Variants in FAM20A observed in about 807,000 individuals in gnomAD.
The protein encoded by FAM20A is FAM20A golgi associated secretory pathway pseudokinase, also known as pseudokinase FAM20A.
A neutral mutation model predicts 52.0 loss-of-function variants in FAM20A; 42 were observed. The observed-to-expected ratio is 0.81, with a 90% CI of 0.63 to 1.04. FAM20A has a LOEUF of 1.04. Among genes scored for constraint, FAM20A ranks in the 50% least tolerant of loss-of-function variants. The probability of loss-of-function intolerance (pLI) is 0.00; values close to 1 mark genes in which losing one functional copy is unlikely to be tolerated. For missense variants in FAM20A, 742 were observed against 712.7 expected (o/e 1.04, Z -0.47); for synonymous variants, 304 against 298.9 (o/e 1.02, Z -0.18).
chr17:68,552,015 T>A (rs753599135), intron 3 of FAM20A, 64 bp from the exon 4 acceptor site: 19 of 1,059,178 alleles, frequency 1.8e-5, no homozygotes, highest in Non-Finnish European at 2.7e-5. Flanking sequence ...TGTGACTCTG[T>A]TCCTTCAATA....
rs1275901102 is a variant in FAM20A at position 68,600,496 on chromosome 17, C to T, written c.171G>A (p.Ser57=). The T allele has an allele frequency of 6.3e-7, 1 of 1,592,626 alleles. No individual in the cohort carries two copies. Residue 57 remains serine (S), a synonymous_variant, in exon 1 of 11, where the codon TCG becomes TCA. Coordinates refer to ENST00000592554, the MANE Select transcript of FAM20A (RefSeq NM_017565.4). The surrounding 1 kb of genome is among the most constrained non-coding windows in gnomAD (Gnocchi z 6.2). ...TGCCGGGGTCCGAGGCAGCTGCGGC[C>T]GAGTCCCGCGCCAGGGAGGAGGCGC... The part of the protein sequence containing the change: ...TGRASSLARD[S]AAAASDPGTI...
chr17:68,577,978 AAAAT>A lies in FAM20A; in HGVS notation c.405-22239_405-22236del, dbSNP rs750204152. On this transcript the variant is annotated intron_variant, in intron 1 of 10. Coordinates refer to ENST00000592554, the MANE Select transcript of FAM20A (RefSeq NM_017565.4). ...TTCAATCTTCCAACTGTGTAATCCT[AAAAT>A]AAATAAATATATATTTCACACACCA... Among the ~76,000 whole-genome samples, 60 of 152,204 alleles carry A rather than the reference AAAAT, an allele frequency of 3.9e-4. No individual in the cohort carries two copies. The East Asian group carries it at 4.0e-3, about 10-fold the overall frequency.
rs1021666581 is a variant in FAM20A, at chr17:68,537,209, C to G, written c.*268G>C. On this transcript the variant is annotated 3_prime_UTR_variant, in exon 11 of 11. Coordinates refer to ENST00000592554, the MANE Select transcript of FAM20A (RefSeq NM_017565.4). This position sits in a 1 kb window ranked among gnomAD's most constrained non-coding sequence, Gnocchi z 4.2. ...CAAGCCTGACCTATACCCAGATTTC[C>G]CAGTGCACTCAGGAGATCGTCGGTG... is the stretch of plus-strand genomic sequence containing the variant. The G allele has an allele frequency of 1.6e-6, 1 of 618,652 alleles. No homozygotes were observed. 38.3% of individuals were successfully genotyped at this position (618,652 alleles called of 1,614,324 possible). A position where few individuals can be genotyped will look rare whatever the true frequency, so the allele number is the denominator to read the frequency against.
At chr17:68,584,526 G>C (rs1340917094) in intron 1 of FAM20A, among the ~76,000 whole-genome samples, 1 of 152,172 alleles carries the variant, frequency 6.6e-6, no homozygotes, top group Non-Finnish European at 1.5e-5. Flanking sequence ...TCTCTGAGTG[G>C]GCAGTTTTGA....
intron 5 of FAM20A, 71 bp downstream of exon 5, chr17:68,543,558 G>A (rs1417556780): frequency 1.5e-6 from 2 of 1,343,296 alleles, no homozygotes; most frequent in Admixed American, 1.7e-5. Context: ...CACCTTGAGG[G>A]TCTGTCTAGC....
At chr17:68,547,983 T>G (rs1441055309) in intron 4 of FAM20A, among the ~76,000 whole-genome samples, 1 of 151,742 alleles carries the variant, frequency 6.6e-6, no homozygotes, top group Non-Finnish European at 1.5e-5. Flanking sequence ...ATGTGAACAC[T>G]TAGAGGCCCT....
rs777704104 is a variant in FAM20A at position 68,540,899 on chromosome 17, CTGT to C, written c.1166_1168del (p.Asn389del). 55 of 1,605,572 alleles carry C rather than the reference CTGT, an allele frequency of 3.4e-5. No individual in the cohort carries two copies. Among genetic ancestry groups the C allele is most frequent in the South Asian group, 2.8e-4 (25 of 89,528 alleles). On this transcript the variant is annotated inframe_deletion, in exon 8 of 11. Transcript: ENST00000592554. ...GTCGATGACATTGAGGAGCCGCTGG[CTGT>C]TGTTGTACGGGTAGATCTGTTTCAC...
At chr17:68,572,010 A>ATAT (rs2143802678) in intron 1 of FAM20A, among the ~76,000 whole-genome samples, 1 of 58,368 alleles carries the variant, frequency 1.7e-5, no homozygotes, top group Non-Finnish European at 3.8e-5. Flanking sequence ...ATATATATAT[A>ATAT]TATATATATA....
chr17:68,546,700 G>T (rs1386413920), intron 4 of FAM20A, among the ~76,000 whole-genome samples: 1 of 151,706 alleles, frequency 6.6e-6, no homozygotes, highest in Non-Finnish European at 1.5e-5. Context: ...CATGGTGGCC[G>T]GCGCCTGTAG....
At chr17:68,588,255 C>T (rs1276921967) in intron 1 of FAM20A, among the ~76,000 whole-genome samples, 1 of 152,210 alleles carries the variant, frequency 6.6e-6, no homozygotes, top group Admixed American at 6.5e-5. Context: ...CAGACTGTCT[C>T]ATCTGGGAGG....
intron 1 of FAM20A, among the ~76,000 whole-genome samples, chr17:68,559,980 C>T (rs928890605): frequency 6.6e-6 from 1 of 152,092 alleles, no homozygotes; most frequent in African/African-American, 2.4e-5. Context: ...TTGTGTTACC[C>T]CTAAATTCAT....
intron 1 of FAM20A, among the ~76,000 whole-genome samples, chr17:68,556,861 A>G (rs1401401697): frequency 6.6e-6 from 1 of 152,114 alleles, no homozygotes; most frequent in East Asian, 1.9e-4. Context: ...CTGTGATAGT[A>G]TACCTTGGGT....
chr17:68,600,920 A>G lies in FAM20A; in HGVS notation c.-254T>C, dbSNP rs1472002117. The stretch of plus-strand genomic sequence containing the variant: ...TCTCCGCGCCGAGTGAGCCGAGGGA[A>G]TGGGGTTCCCGGGGTGCCCGCTTCT... On this transcript the variant is annotated 5_prime_UTR_variant, in exon 1 of 11. Transcript: ENST00000592554. The surrounding 1 kb of genome is among the most constrained non-coding windows in gnomAD (Gnocchi z 6.2). The G allele has an allele frequency of 8.9e-6, 4 of 451,704 alleles. No individual in the cohort carries two copies. Among genetic ancestry groups the G allele is most frequent in the South Asian group, 4.5e-5 (1 of 22,076 alleles). The allele number at this position is 451,704 out of a possible 1,614,324, so 28.0% of individuals were successfully genotyped here.
At chr17:68,573,681 CTCTTT>C (rs2087642998) in intron 1 of FAM20A, among the ~76,000 whole-genome samples, 1 of 142,262 alleles carries the variant, frequency 7.0e-6, no homozygotes, top group African/African-American at 2.6e-5. Flanking sequence ...TCTTTCTTTT[CTCTTT>C]TTTTTTCTTT....
At chr17:68,587,298 G>A (rs759743284) in intron 1 of FAM20A, among the ~76,000 whole-genome samples, 1 of 152,218 alleles carries the variant, frequency 6.6e-6, no homozygotes, top group African/African-American at 2.4e-5. Flanking sequence ...GTGCAGCAAA[G>A]TGTGTAGCAG....
chr17:68,575,445 TATATATTTTATATATTATATATA>T (rs1288631134), intron 1 of FAM20A, among the ~76,000 whole-genome samples: 16 of 112,838 alleles, frequency 1.4e-4, no homozygotes, highest in Admixed American at 3.5e-4. Flanking sequence ...TTTTATATAT[TATATATTTTATATATTATATATA>T]ATATATTTTA....
intron 1 of FAM20A, among the ~76,000 whole-genome samples, chr17:68,562,893 G>T (rs1324086359): frequency 6.6e-6 from 1 of 152,166 alleles, no homozygotes; most frequent in Non-Finnish European, 1.5e-5. Context: ...ATGAAGAGCT[G>T]CCAATGACCA....
intron 1 of FAM20A, among the ~76,000 whole-genome samples, chr17:68,586,618 G>T (rs2088171018): frequency 6.6e-6 from 1 of 152,230 alleles, no homozygotes; most frequent in Non-Finnish European, 1.5e-5. Flanking sequence ...GAGTGATGCA[G>T]CCAGAAGCCA....
rs148368861 is a variant in FAM20A at position 68,561,705 on chromosome 17, A to C, written c.405-5962T>G. 7.0e-3 allele frequency among the ~76,000 whole-genome samples: 1,071 copies of C among 152,172 alleles called. 7 individuals are homozygous for C. Among genetic ancestry groups the C allele is most frequent in the African/African-American group, 0.024 (995 of 41,494 alleles). On this transcript the variant is annotated intron_variant, in intron 1 of 10. Transcript: ENST00000592554. Reference sequence around the variant, plus strand: ...CAAAATGGAAACCTTAAAAAGTTTTAAACAGGCTTATCAAGTAACCTTATT... The same window carrying C: ...CAAAATGGAAACCTTAAAAAGTTTTCAACAGGCTTATCAAGTAACCTTATT...
Sources: allele counts gnomAD v4.1 joint callset (sites outside exome capture counted in the v4.1 genomes callset), GRCh38; gene constraint gnomAD v4.1.1; non-coding constraint Gnocchi (gnomAD v3.1); transcripts MANE v1.5; gene names NCBI Gene and HGNC (gene_info 2026-07-23, HGNC 2026-07-21).